SMYD3: variants seen among roughly 807,000 people sequenced by gnomAD.
SMYD3 encodes the protein histone-lysine N-methyltransferase SMYD3.
In SMYD3, 36 loss-of-function variants were observed where a neutral mutation model predicts 57.7. The ratio of observed to expected loss-of-function variants is 0.62; its 90% CI spans 0.48 to 0.82. The LOEUF (loss-of-function observed/expected upper bound fraction) is 0.82, where lower values mean the gene tolerates loss of function less well. Ranked by LOEUF, SMYD3 falls within the 40% of genes least tolerant of loss-of-function variation. The probability of loss-of-function intolerance (pLI) is 0.00; values close to 1 mark genes in which losing one functional copy is unlikely to be tolerated. For missense variants in SMYD3, 515 were observed against 538.8 expected (o/e 0.96, Z 0.44); for synonymous variants, 211 against 195.0 (o/e 1.08, Z -0.68).
rs529334286 is a variant in SMYD3, at chr1:246,216,968, A to T, written c.531+110233T>A. On this transcript the variant is annotated intron_variant, in intron 5 of 11. Coordinates refer to ENST00000490107, the MANE Select transcript of SMYD3 (RefSeq NM_001167740.2). ...TGAACAGACCTAGGATTTTCCAAGG[A>T]CTATATGCTGTGAGTTAGAATCACT... Among the ~76,000 whole-genome samples, 55 of 152,262 alleles carry T rather than the reference A, an allele frequency of 3.6e-4. 1 individual carries two copies. The highest frequency in any genetic ancestry group is 2.3e-3 in the Admixed American group (35 of 15,302).
intron 5 of SMYD3, among the ~76,000 whole-genome samples, chr1:246,105,360 TG>T (rs2061099428): frequency 7.3e-6 from 1 of 136,718 alleles, no homozygotes; most frequent in Non-Finnish European, 1.5e-5. Flanking sequence ...ATTAGGGTCA[TG>T]TTTTATTTCA....
rs573655155 is a variant in SMYD3, at chr1:245,793,249, A to T, written c.1077-29100T>A. 2.2e-4 allele frequency among the ~76,000 whole-genome samples: 33 copies of T among 152,024 alleles called. 1 individual carries two copies. Among genetic ancestry groups the T allele is most frequent in the Middle Eastern group, 3.4e-3 (1 of 292 alleles). ...GCTTGAACCCAGGAGACGGAGCTTG[A>T]AGTGAGCCGAGATCGTGCCACTGCA... On this transcript the variant is annotated intron_variant, in intron 10 of 11. Coordinates refer to ENST00000490107, the MANE Select transcript of SMYD3 (RefSeq NM_001167740.2).
Position 246,442,223 on chromosome 1 carries a change from G to A in SMYD3, c.164+64831C>T, listed in dbSNP as rs560507217. Among the ~76,000 whole-genome samples the A allele has an allele frequency of 2.6e-5, 4 of 152,258 alleles. No homozygotes were observed. In the Middle Eastern group the frequency reaches 0.01, roughly 388 times the overall value. Reference sequence around the variant, plus strand: ...GATAATCCATTAGAGGTATGGCACAGGCACAAAAACAATAAACCCTTATGG... The same window carrying A: ...GATAATCCATTAGAGGTATGGCACAAGCACAAAAACAATAAACCCTTATGG... On this transcript the variant is annotated intron_variant, in intron 1 of 11. Coordinates refer to ENST00000490107, the MANE Select transcript of SMYD3 (RefSeq NM_001167740.2).
At chr1:246,023,541 GA>G (rs148787351) in intron 5 of SMYD3, among the ~76,000 whole-genome samples, 5,065 of 150,340 alleles carry the variant, frequency 0.034, 287 homozygotes, top group African/African-American at 0.12. Flanking sequence ...CATTGTCAAG[GA>G]AAAAAAAAGG....
chr1:245,860,753 C>A (rs2051497394), intron 9 of SMYD3, among the ~76,000 whole-genome samples: 1 of 152,234 alleles, frequency 6.6e-6, no homozygotes, highest in Admixed American at 6.5e-5. Context: ...GTATCTTAGG[C>A]AACGCACTGA....
intron 5 of SMYD3, among the ~76,000 whole-genome samples, chr1:246,048,189 A>C (rs1047768476): frequency 6.6e-6 from 1 of 152,240 alleles, no homozygotes; most frequent in African/African-American, 2.4e-5. Context: ...AAGAACATGC[A>C]AACTCACGTT....
intron 1 of SMYD3, among the ~76,000 whole-genome samples, chr1:246,475,538 C>T (rs1196318154): frequency 6.6e-6 from 1 of 151,604 alleles, no homozygotes; most frequent in East Asian, 2.0e-4. Flanking sequence ...CCCAGCTACT[C>T]GGGAAACTGA....
intron 5 of SMYD3, among the ~76,000 whole-genome samples, chr1:246,256,400 TAGTA>T (rs2063895648): frequency 6.6e-6 from 1 of 152,186 alleles, no homozygotes; most frequent in Admixed American, 6.5e-5. Context: ...AGTTCACACT[TAGTA>T]TTAACCATCA....
At chr1:245,765,452 T>C (rs1460712841) in intron 10 of SMYD3, among the ~76,000 whole-genome samples, 3 of 152,112 alleles carry the variant, frequency 2.0e-5, no homozygotes, top group Non-Finnish European at 2.9e-5. Flanking sequence ...TAAACATTCC[T>C]GCAGGAGTTA....
chr1:245,799,189 A>G (rs2047735040), intron 10 of SMYD3, among the ~76,000 whole-genome samples: 1 of 152,182 alleles, frequency 6.6e-6, no homozygotes. Context: ...CTGGGCATCC[A>G]GCCTTCCCTG....
chr1:245,831,983 A>C (rs2049860810), intron 10 of SMYD3, among the ~76,000 whole-genome samples: 1 of 152,236 alleles, frequency 6.6e-6, no homozygotes. Flanking sequence ...AGTTTCCTAA[A>C]GCTCACTGCC....
intron 5 of SMYD3, among the ~76,000 whole-genome samples, chr1:246,138,695 G>A (rs887186628): frequency 3.3e-4 from 35 of 104,558 alleles, no homozygotes; most frequent in African/African-American, 9.0e-4. Flanking sequence ...AAAGTGCTGG[G>A]ATTACAGGCA....
intron 10 of SMYD3, among the ~76,000 whole-genome samples, chr1:245,771,727 G>C (rs2046348335): frequency 6.6e-6 from 1 of 152,088 alleles, no homozygotes; most frequent in Non-Finnish European, 1.5e-5. Context: ...GTCTTCTGAT[G>C]TTCCTTAGGC....
chr1:245,989,800 T>C (rs576781317), intron 5 of SMYD3, among the ~76,000 whole-genome samples: 1 of 152,240 alleles, frequency 6.6e-6, no homozygotes. Context: ...TTTTCCAATC[T>C]TATTAAACTT....
At chr1:245,791,952 TTGTGTGTGTGTGTGTG>T (rs59018021) in intron 10 of SMYD3, among the ~76,000 whole-genome samples, 1 of 146,138 alleles carries the variant, frequency 6.8e-6, no homozygotes, top group Non-Finnish European at 1.5e-5. Flanking sequence ...AATTTTAAAC[TTGTGTGTGTGTGTGTG>T]TGTGTGTGTG....
Position 246,434,526 on chromosome 1 carries a change from G to A in SMYD3, c.164+72528C>T, listed in dbSNP as rs574574869. The stretch of plus-strand genomic sequence containing the variant: ...ACTTCTCAAATGAAGACACACAAGC[G>A]GCAGACAAACATGAAAAAATGTTCC... On this transcript the variant is annotated intron_variant, in intron 1 of 11. Transcript: ENST00000490107. Among the ~76,000 whole-genome samples, 3 of 152,096 alleles carry A rather than the reference G, an allele frequency of 2.0e-5. No homozygotes were observed. In the South Asian group the frequency reaches 6.2e-4, roughly 32 times the overall value.
chr1:246,333,199 CAGA>C (rs1355648641), intron 3 of SMYD3, among the ~76,000 whole-genome samples: 4 of 152,162 alleles, frequency 2.6e-5, no homozygotes, highest in African/African-American at 7.2e-5. Context: ...TCAGAAGATT[CAGA>C]AGAACTTGGT....
intron 5 of SMYD3, among the ~76,000 whole-genome samples, chr1:246,177,899 C>T (rs746743606): frequency 6.6e-6 from 1 of 152,200 alleles, no homozygotes; most frequent in Admixed American, 6.5e-5. Flanking sequence ...GCAACTCCCC[C>T]AGGCCATCCT....
At chr1:246,253,150 G>T (rs1393904169) in intron 5 of SMYD3, among the ~76,000 whole-genome samples, 1 of 151,954 alleles carries the variant, frequency 6.6e-6, no homozygotes, top group Non-Finnish European at 1.5e-5. Context: ...AACCAAGGGG[G>T]TACATGCGCA....
Sources: gnomAD v4.1 joint callset for allele counts (sites outside exome capture counted in the v4.1 genomes callset) on GRCh38, gnomAD v4.1.1 for gene constraint, MANE v1.5 for transcripts, NCBI Gene and HGNC (gene_info 2026-07-23, HGNC 2026-07-21) for gene names.